MAP2: variants seen among roughly 807,000 people sequenced by gnomAD.
MAP2 encodes microtubule associated protein 2.
A neutral mutation model predicts 137.6 loss-of-function variants in MAP2; 14 were observed. That is an observed-to-expected ratio of 0.10 (90% confidence interval 0.07 to 0.16). The LOEUF (loss-of-function observed/expected upper bound fraction) is 0.16. MAP2 is among the 10% of genes least tolerant of loss of function. MAP2 has a pLI of 1.00. For synonymous variants in MAP2, 786 were observed against 782.3 expected, an observed-to-expected ratio of 1.00 and a Z score of -0.08; for missense variants, 2,088 against 2,191.5, an observed-to-expected ratio of 0.95 and a Z score of 0.94.
At chr2:209,551,742 A>T (rs1283324604) in intron 2 of MAP2, among the ~76,000 whole-genome samples, 40 of 152,306 alleles carry the variant, frequency 2.6e-4, no homozygotes, top group African/African-American at 9.6e-4. Context: ...TTTCTGGGGA[A>T]ACCAGAGTAT....
intron 1 of MAP2, among the ~76,000 whole-genome samples, chr2:209,433,795 A>G (rs1052340409): frequency 2.6e-5 from 4 of 151,988 alleles, no homozygotes; most frequent in Non-Finnish European, 5.9e-5. Flanking sequence ...GGTGAGTTAC[A>G]TGCATAATTA....
At chr2:209,658,866 T>C (rs2042120504) in intron 5 of MAP2, among the ~76,000 whole-genome samples, 1 of 152,202 alleles carries the variant, frequency 6.6e-6, no homozygotes, top group Admixed American at 6.5e-5. Context: ...AAAACTATTA[T>C]GGAAATATAT....
chr2:209,709,273 T>C (rs2064571562), intron 12 of MAP2, among the ~76,000 whole-genome samples: 1 of 152,166 alleles, frequency 6.6e-6, no homozygotes, highest in East Asian at 1.9e-4. Flanking sequence ...AACAGACTTT[T>C]TTTTTGGTTT....
chr2:209,532,531 C>G (rs1039958574), intron 2 of MAP2, among the ~76,000 whole-genome samples: 35 of 152,134 alleles, frequency 2.3e-4, no homozygotes, highest in African/African-American at 8.4e-4. Flanking sequence ...TAGCTTACAG[C>G]TGGCTGGGAC....
chr2:209,668,742 G>A (rs187204132), intron 5 of MAP2, among the ~76,000 whole-genome samples: 125 of 152,146 alleles, frequency 8.2e-4, no homozygotes, highest in Middle Eastern at 3.4e-3. Context: ...TACATATTTA[G>A]AATTTTTCCA....
chr2:209,528,941 T>C (rs2064651535), intron 2 of MAP2, among the ~76,000 whole-genome samples: 1 of 151,696 alleles, frequency 6.6e-6, no homozygotes, highest in Non-Finnish European at 1.5e-5. Flanking sequence ...TACATACATA[T>C]GTACATATAC....
intron 2 of MAP2, among the ~76,000 whole-genome samples, chr2:209,530,324 A>G (rs1486679027): frequency 6.6e-6 from 1 of 152,188 alleles, no homozygotes; most frequent in East Asian, 1.9e-4. Flanking sequence ...GATGATATGT[A>G]GTCATTATTA....
At chr2:209,555,465 C>T (rs145966914) in intron 2 of MAP2, among the ~76,000 whole-genome samples, 2 of 152,090 alleles carry the variant, frequency 1.3e-5, no homozygotes, top group African/African-American at 2.4e-5. Flanking sequence ...AGGAAAGACC[C>T]GGATGGGACT....
At position 209,693,144 on chromosome 2, in the gene MAP2, C is replaced by T; in HGVS notation, c.974C>T (p.Pro325Leu). The change falls in exon 8 of 16, where the codon CCT becomes CTT. Residue 325 changes from proline (P) to leucine (L), a missense_variant. Transcript: ENST00000682079. ...TTTCAAGGGGGAAGCTTCACTCTTCCTTTAGATGTCATGAAGAATGAAATA... is the reference window on the plus strand; with the variant it reads ...TTTCAAGGGGGAAGCTTCACTCTTCTTTTAGATGTCATGAAGAATGAAATA... ...SPFQGGSFTL[P>L]LDVMKNEIVT... 1 of 1,611,122 alleles carries T rather than the reference C, an allele frequency of 6.2e-7. No individual in the cohort carries two copies. Among genetic ancestry groups the T allele is most frequent in the Non-Finnish European group, 8.5e-7 (1 of 1,179,102 alleles).
At position 209,696,648 on chromosome 2, in the gene MAP2, G is replaced by A. The variant is rs747494683; in HGVS notation, c.4287G>A (p.Lys1429=). Residue 1429 remains lysine (K), a synonymous_variant, in exon 9 of 16, where the codon AAG becomes AAA. Coordinates refer to ENST00000682079, the MANE Select transcript of MAP2 (RefSeq NM_001375505.1). The stretch of plus-strand genomic sequence containing the variant: ...CTCTTGAGAAACATAGAAAAGAAAA[G>A]CCTTTTAAAACCGGGAGAGGCAGAA... ...RSSLEKHRKE[K]PFKTGRGRIS... is the part of the protein sequence containing the mutation. The A allele has an allele frequency of 1.8e-5, 29 of 1,613,774 alleles. No homozygotes were observed. In the East Asian group the frequency reaches 5.6e-4, roughly 31 times the overall value.
At chr2:209,490,213 C>A (rs1455825758) in intron 1 of MAP2, among the ~76,000 whole-genome samples, 2 of 152,130 alleles carry the variant, frequency 1.3e-5, no homozygotes, top group African/African-American at 4.8e-5. Context: ...AAATCCTTTG[C>A]AGACAAGCAA....
intron 3 of MAP2, among the ~76,000 whole-genome samples, chr2:209,594,134 GAAAAAAAAAA>G: frequency 1.2e-5 from 1 of 81,452 alleles, no homozygotes; most frequent in South Asian, 4.3e-4. Flanking sequence ...GGTAACAGAT[GAAAAAAAAAA>G]AAAAAAAAAA....
chr2:209,704,596 G>T, intron 11 of MAP2: 2 of 1,603,814 alleles, frequency 1.2e-6, no homozygotes, highest in Non-Finnish European at 1.7e-6. Context: ...CAGACCGTTT[G>T]CCATACTCAA....
chr2:209,431,836 AG>A, intron 1 of MAP2, among the ~76,000 whole-genome samples: 1 of 152,146 alleles, frequency 6.6e-6, no homozygotes, highest in Non-Finnish European at 1.5e-5. Flanking sequence ...TAAAAGAGGG[AG>A]GGGCTCGGAA....
Position 209,694,361 on chromosome 2 carries a change from A to G in MAP2, c.2191A>G (p.Ile731Val). The G allele has an allele frequency of 6.2e-7, 1 of 1,614,096 alleles. No individual in the cohort carries two copies. Residue 731 changes from isoleucine (I) to valine (V), a missense_variant, in exon 8 of 16, where the codon ATT (isoleucine) becomes GTT (valine). By Grantham distance (29) the Ile-to-Val change is conservative. Transcript: ENST00000682079. ...TGATCTTTCTCCTCTGGCTTCCGAT[A>G]TTCTAACCAACACTAGTGGAAGTAT... ...GHDLSPLASD[I>V]LTNTSGSMDE... is the part of the protein sequence containing the mutation.
At chr2:209,452,102 T>C (rs1432848142) in intron 1 of MAP2, among the ~76,000 whole-genome samples, 3 of 152,196 alleles carry the variant, frequency 2.0e-5, no homozygotes, top group Non-Finnish European at 2.9e-5. Context: ...GAAATCAAAA[T>C]AGGCTGTTTG....
intron 3 of MAP2, among the ~76,000 whole-genome samples, chr2:209,617,969 C>A (rs922187829): frequency 6.6e-6 from 1 of 151,384 alleles, no homozygotes; most frequent in Non-Finnish European, 1.5e-5. Flanking sequence ...ATACTAATGG[C>A]TTTTAGAATT....
intron 3 of MAP2, among the ~76,000 whole-genome samples, chr2:209,620,880 G>A (rs557601471): frequency 4.3e-4 from 65 of 152,218 alleles, no homozygotes; most frequent in African/African-American, 1.5e-3. Context: ...TAGTCATTGA[G>A]GTTAAGCTTA....
intron 2 of MAP2, among the ~76,000 whole-genome samples, chr2:209,539,778 T>G (rs1388720251): frequency 1.3e-5 from 2 of 151,986 alleles, no homozygotes; most frequent in East Asian, 3.9e-4. Flanking sequence ...GTAAGACTCA[T>G]TTGTTTTTTG....
Sources: allele counts gnomAD v4.1 joint callset (sites outside exome capture counted in the v4.1 genomes callset), GRCh38; gene constraint gnomAD v4.1.1; transcripts MANE v1.5; gene names NCBI Gene and HGNC (gene_info 2026-07-23, HGNC 2026-07-21).